Variants in CAMK2D observed in about 807,000 individuals in gnomAD.
CAMK2D encodes the protein calcium/calmodulin dependent protein kinase II delta.
Under a neutral mutation model 84.0 loss-of-function variants are expected in CAMK2D, and 37 were observed. The observed-to-expected ratio is 0.44, with a 90% CI of 0.34 to 0.58. The LOEUF is 0.58. Among genes scored for constraint, CAMK2D ranks in the 20% least tolerant of loss-of-function variants. The probability of loss-of-function intolerance (pLI) is 0.02; values close to 1 mark genes in which losing one functional copy is unlikely to be tolerated. For missense variants in CAMK2D, 448 were observed against 652.5 expected (o/e 0.69, Z 3.41); for synonymous variants, 202 against 212.5 (o/e 0.95, Z 0.43).
At chr4:113,574,627 T>C (rs1380227414) in intron 4 of CAMK2D, among the ~76,000 whole-genome samples, 1 of 152,238 alleles carries the variant, frequency 6.6e-6, no homozygotes, top group African/African-American at 2.4e-5. Context: ...CATTAAATGT[T>C]CTTTTCAACC....
chr4:113,539,522 T>C (rs1198787691), intron 6 of CAMK2D, among the ~76,000 whole-genome samples: 2 of 152,238 alleles, frequency 1.3e-5, no homozygotes, highest in African/African-American at 4.8e-5. Flanking sequence ...CTTGTGTGCA[T>C]TGTGCCTCAA....
chr4:113,702,006 A>G (rs2099419203), intron 2 of CAMK2D, among the ~76,000 whole-genome samples: 1 of 152,196 alleles, frequency 6.6e-6, no homozygotes, highest in Admixed American at 6.5e-5. Context: ...TAGCTCAATT[A>G]GTAGTTCTTT....
chr4:113,530,700 A>G (rs1279199318), intron 8 of CAMK2D, among the ~76,000 whole-genome samples: 1 of 152,136 alleles, frequency 6.6e-6, no homozygotes, highest in African/African-American at 2.4e-5. Flanking sequence ...AGAGAGGATA[A>G]CTCTCTATAA....
chr4:113,651,856 A>C (rs1263034395), intron 3 of CAMK2D, among the ~76,000 whole-genome samples: 1 of 152,194 alleles, frequency 6.6e-6, no homozygotes, highest in Non-Finnish European at 1.5e-5. Flanking sequence ...TGTAAAAGAT[A>C]AGCCAGATTT....
rs1368549253 is a variant in CAMK2D at position 113,552,052 on chromosome 4, T to G, written c.320A>C (p.Tyr107Ser). 1.3e-6 allele frequency: 2 copies of G among 1,588,198 alleles called. No homozygotes were observed. The highest frequency in any genetic ancestry group is 1.7e-6 in the Non-Finnish European group (2 of 1,158,838). Residue 107 changes from tyrosine (Y) to serine (S), a missense_variant, in exon 5 of 21, where the codon TAC becomes TCC. By Grantham distance (144) the Tyr-to-Ser change is moderately radical. Coordinates refer to ENST00000511664, the MANE Select transcript of CAMK2D (RefSeq NM_001321571.2). ...TTACCTGGCATCAGCTTCACTGTAG[T>G]ATTCTCTTGCCACTATGTCTTCAAA... ...ELFEDIVAREYYSEADASHCI... is the reference protein window; with the variant it reads ...ELFEDIVARESYSEADASHCI...
intron 2 of CAMK2D, among the ~76,000 whole-genome samples, chr4:113,673,498 A>T (rs924811977): frequency 6.6e-6 from 1 of 152,228 alleles, no homozygotes; most frequent in African/African-American, 2.4e-5. Flanking sequence ...AGCTGCAAAG[A>T]CAGCTAAAAA....
rs531174841 is a variant in CAMK2D, at chr4:113,729,713, C to T, written c.160+29607G>A. ...TGTTAAATCCTAATGCCCAATTTAA[C>T]GGTGTGTAGAGTTGGGGCCTTTGGA... On this transcript the variant is annotated intron_variant, in intron 2 of 20. Coordinates refer to ENST00000511664, the MANE Select transcript of CAMK2D (RefSeq NM_001321571.2). 3.9e-5 allele frequency among the ~76,000 whole-genome samples: 6 copies of T among 152,254 alleles called. 1 individual carries two copies. In the South Asian group the frequency reaches 6.2e-4, roughly 16 times the overall value.
At position 113,761,314 on chromosome 4, in the gene CAMK2D, C is replaced by T. The variant is rs1193402364; in HGVS notation, c.-246G>A. 6 of 1,414,914 alleles carry T rather than the reference C, an allele frequency of 4.2e-6. No homozygotes were observed. The South Asian group carries it at 4.5e-5, about 11-fold the overall frequency. 87.6% of individuals were successfully genotyped at this position (1,414,914 alleles called of 1,614,324 possible). A position where few individuals can be genotyped will look rare whatever the true frequency, so the allele number is the denominator to read the frequency against. ...CCTCCTCCTCCTGCGGGCCTCGCTTCCTTCTTCTCCACTGGACGCTCCACC... is the reference window on the plus strand; with the variant it reads ...CCTCCTCCTCCTGCGGGCCTCGCTTTCTTCTTCTCCACTGGACGCTCCACC... On this transcript the variant is annotated 5_prime_UTR_variant, in exon 1 of 21. Transcript: ENST00000511664.
chr4:113,637,656 A>G (rs1592293770), intron 3 of CAMK2D, among the ~76,000 whole-genome samples: 1 of 152,166 alleles, frequency 6.6e-6, no homozygotes, highest in African/African-American at 2.4e-5. Context: ...GGTTTCCTTG[A>G]AATCTGTCCC....
In CAMK2D at chr4:113,639,133, T is replaced by C. The variant is rs945227793; in HGVS notation, c.220+22580A>G. Among the ~76,000 whole-genome samples the C allele has an allele frequency of 1.0e-3, 155 of 151,148 alleles. 1 individual carries two copies. Among genetic ancestry groups the C allele is most frequent in the African/African-American group, 2.6e-3 (107 of 41,152 alleles). On this transcript the variant is annotated intron_variant, in intron 3 of 20. Transcript: ENST00000511664. The stretch of plus-strand genomic sequence containing the variant: ...GGTGGTGTGCACCTGTAGCCCCAGC[T>C]TCTCAGGAGGCTGAGGGAGGACTGC...
chr4:113,486,129 A>AT (rs34890867), intron 16 of CAMK2D, among the ~76,000 whole-genome samples: 30,360 of 146,600 alleles, frequency 0.21, 3,290 homozygotes, highest in Non-Finnish European at 0.27. Flanking sequence ...TCCTCCTTTG[A>AT]TTTTTTTTTT....
At chr4:113,672,525 G>A (rs979777283) in intron 2 of CAMK2D, among the ~76,000 whole-genome samples, 2 of 152,018 alleles carry the variant, frequency 1.3e-5, no homozygotes, top group African/African-American at 2.4e-5. Flanking sequence ...TTCGGTTTAA[G>A]TACTTGCAAA....
At chr4:113,743,356 C>T (rs144419799) in intron 2 of CAMK2D, among the ~76,000 whole-genome samples, 271 of 152,344 alleles carry the variant, frequency 1.8e-3, no homozygotes, top group Middle Eastern at 3.4e-3. Flanking sequence ...TCTCACTTTG[C>T]TGAGCCACAG....
intron 2 of CAMK2D, among the ~76,000 whole-genome samples, chr4:113,709,131 T>C (rs2099476845): frequency 6.6e-6 from 1 of 152,068 alleles, no homozygotes; most frequent in Admixed American, 6.6e-5. Context: ...AGACAGAAAA[T>C]CCTTTTTCCA....
At chr4:113,454,598 G>A (rs1190317656) in intron 20 of CAMK2D, 83 bp from the exon 21 acceptor site, 3 of 754,568 alleles carry the variant, frequency 4.0e-6, no homozygotes, top group South Asian at 1.4e-5. Flanking sequence ...GATTTGACTA[G>A]GCTACAGTTT....
At chr4:113,600,691 G>T (rs1410365826) in intron 4 of CAMK2D, among the ~76,000 whole-genome samples, 1 of 152,100 alleles carries the variant, frequency 6.6e-6, no homozygotes, top group African/African-American at 2.4e-5. Context: ...AGGAAGCAGT[G>T]GCATAATCTT....
In CAMK2D at chr4:113,682,666, T is replaced by C. The variant is rs111271778; in HGVS notation, c.161-20894A>G. ...TCTCCAATCTTTCTCACATCTATTTTACTAAAATTATGCAAAAACCTATAA... is the reference window on the plus strand; with the variant it reads ...TCTCCAATCTTTCTCACATCTATTTCACTAAAATTATGCAAAAACCTATAA... On this transcript the variant is annotated intron_variant, in intron 2 of 20. Transcript: ENST00000511664. 3.9e-3 allele frequency among the ~76,000 whole-genome samples: 589 copies of C among 152,310 alleles called. 5 individuals are homozygous for C. The highest frequency in any genetic ancestry group is 0.014 in the African/African-American group (565 of 41,588).
intron 17 of CAMK2D, among the ~76,000 whole-genome samples, chr4:113,463,172 A>C (rs17620390): frequency 0.2 from 30,670 of 152,140 alleles, 3,412 homozygotes; most frequent in Non-Finnish European, 0.27. Context: ...TTTGTCTTAC[A>C]TTTAGCTAAT....
chr4:113,670,406 T>A (rs1175515314), intron 2 of CAMK2D, among the ~76,000 whole-genome samples: 1 of 152,190 alleles, frequency 6.6e-6, no homozygotes, highest in Non-Finnish European at 1.5e-5. Flanking sequence ...TATTAGTTGG[T>A]GCATGTTAAG....
Sources: allele counts gnomAD v4.1 joint callset (sites outside exome capture counted in the v4.1 genomes callset), GRCh38; gene constraint gnomAD v4.1.1; transcripts MANE v1.5; gene names NCBI Gene and HGNC (gene_info 2026-07-23, HGNC 2026-07-21).